The following PDE10A variants were observed in gnomAD, a reference collection of about 807,000 sequenced individuals.
PDE10A encodes cAMP and cAMP-inhibited cGMP 3',5'-cyclic phosphodiesterase 10A.
In PDE10A, 39 loss-of-function variants were observed where a neutral mutation model predicts 97.7. That is an observed-to-expected ratio of 0.40 (90% CI 0.31 to 0.52). The LOEUF is 0.52. Among genes scored for constraint, PDE10A ranks in the 20% least tolerant of loss-of-function variants. The probability of loss-of-function intolerance (pLI) is 0.56; values close to 1 mark genes in which losing one functional copy is unlikely to be tolerated. For synonymous variants in PDE10A, 371 were observed against 376.8 expected (o/e 0.98, Z 0.18); for missense variants, 731 against 1,047.8 (o/e 0.70, Z 4.17).
intron 1 of PDE10A, among the ~76,000 whole-genome samples, chr6:165,813,055 G>A (rs1267351564): frequency 2.0e-5 from 3 of 152,202 alleles, no homozygotes; most frequent in Admixed American, 6.5e-5. Context: ...TTAGTGCAAA[G>A]TAGCGGTAGG....
At chr6:165,749,677 C>A (rs990936555) in intron 1 of PDE10A, among the ~76,000 whole-genome samples, 1 of 152,246 alleles carries the variant, frequency 6.6e-6, no homozygotes, top group Non-Finnish European at 1.5e-5. Context: ...CAGATTAATT[C>A]TGGCTACCCC....
intron 13 of PDE10A, among the ~76,000 whole-genome samples, chr6:165,399,804 T>A (rs1164704946): frequency 6.6e-6 from 1 of 152,256 alleles, no homozygotes. Flanking sequence ...ATGTGCCACA[T>A]TTTCTTAATC....
intron 5 of PDE10A, among the ~76,000 whole-genome samples, chr6:165,440,802 C>A (rs1216098549): frequency 6.7e-6 from 1 of 150,258 alleles, no homozygotes; most frequent in Admixed American, 6.6e-5. Flanking sequence ...TTTAAAATAA[C>A]CTATATATAT....
At chr6:165,397,716 A>G (rs889782369) in intron 13 of PDE10A, among the ~76,000 whole-genome samples, 1 of 151,798 alleles carries the variant, frequency 6.6e-6, no homozygotes, top group East Asian at 1.9e-4. Flanking sequence ...AAAAAAAAAA[A>G]AAAAAAAGAA....
At chr6:165,953,487 A>C (rs1784034303) in intron 1 of PDE10A, among the ~76,000 whole-genome samples, 1 of 152,124 alleles carries the variant, frequency 6.6e-6, no homozygotes, top group Non-Finnish European at 1.5e-5. Context: ...GCTACTCGGG[A>C]AGCTGAGGCA....
intron 15 of PDE10A, among the ~76,000 whole-genome samples, chr6:165,394,923 T>C (rs1786030045): frequency 6.6e-6 from 1 of 152,184 alleles, no homozygotes. Context: ...CTAGCCTCTG[T>C]TTTTATGAAA....
intron 1 of PDE10A, among the ~76,000 whole-genome samples, chr6:165,729,405 G>C (rs529909013): frequency 6.6e-6 from 1 of 152,046 alleles, no homozygotes; most frequent in Non-Finnish European, 1.5e-5. Flanking sequence ...AATCTTCTTA[G>C]ACATGGAGAG....
intron 5 of PDE10A, among the ~76,000 whole-genome samples, chr6:165,443,263 G>T (rs188803): frequency 6.6e-6 from 1 of 152,070 alleles, no homozygotes; most frequent in African/African-American, 2.4e-5. Flanking sequence ...CCAAAAGGAA[G>T]AAACTGGCCC....
intron 1 of PDE10A, among the ~76,000 whole-genome samples, chr6:165,937,481 A>T (rs1050230531): frequency 7.2e-5 from 11 of 152,312 alleles, no homozygotes; most frequent in East Asian, 1.9e-4. Flanking sequence ...TTACATATTT[A>T]AAAAAAGCAA....
At chr6:165,911,774 G>T (rs897653513) in intron 1 of PDE10A, among the ~76,000 whole-genome samples, 1 of 152,196 alleles carries the variant, frequency 6.6e-6, no homozygotes, top group South Asian at 2.1e-4. Flanking sequence ...CCCCAAGAGG[G>T]ACTGAAGCAC....
At chr6:165,596,079 C>T (rs828561) in intron 1 of PDE10A, among the ~76,000 whole-genome samples, 1,944 of 152,178 alleles carry the variant, frequency 0.013, 44 homozygotes, top group African/African-American at 0.045. Flanking sequence ...GAAACGATAC[C>T]TTTATGGTGG....
intron 1 of PDE10A, among the ~76,000 whole-genome samples, chr6:165,721,819 T>C (rs1371346699): frequency 6.6e-6 from 1 of 152,202 alleles, no homozygotes; most frequent in African/African-American, 2.4e-5. Context: ...CATAAAAATA[T>C]ATAGTCTAAT....
intron 1 of PDE10A, among the ~76,000 whole-genome samples, chr6:165,764,964 A>C (rs562508513): frequency 8.1e-4 from 123 of 152,242 alleles, no homozygotes; most frequent in Non-Finnish European, 1.4e-3. Context: ...TGAGCTAGAC[A>C]CAAAGGTTCT....
intron 1 of PDE10A, among the ~76,000 whole-genome samples, chr6:165,573,865 C>T (rs1052731238): frequency 1.3e-5 from 2 of 152,190 alleles, no homozygotes; most frequent in African/African-American, 4.8e-5. Flanking sequence ...TACTTCTCGG[C>T]CCTCTGACAT....
chr6:165,931,555 AC>A (rs1212641439), intron 1 of PDE10A, among the ~76,000 whole-genome samples: 1 of 152,214 alleles, frequency 6.6e-6, no homozygotes, highest in Non-Finnish European at 1.5e-5. Flanking sequence ...GCAGATGTGA[AC>A]ATGAAAGAAG....
intron 1 of PDE10A, among the ~76,000 whole-genome samples, chr6:165,641,207 G>A (rs777763608): frequency 1.1e-4 from 17 of 152,142 alleles, no homozygotes; most frequent in Non-Finnish European, 2.2e-4. Context: ...AAAAAAAAAT[G>A]TTAAAAGTCA....
intron 1 of PDE10A, among the ~76,000 whole-genome samples, chr6:165,729,536 G>T (rs1005475831): frequency 6.6e-6 from 1 of 152,074 alleles, no homozygotes; most frequent in African/African-American, 2.4e-5. Context: ...CCCAATTTGG[G>T]CACTTGGATG....
At chr6:165,541,115 C>T (rs1322282984) in intron 2 of PDE10A, among the ~76,000 whole-genome samples, 2 of 152,130 alleles carry the variant, frequency 1.3e-5, no homozygotes, top group Admixed American at 6.5e-5. Flanking sequence ...GGGGGTCTTA[C>T]TAGGCTGCAC....
Position 165,384,671 on chromosome 6 carries a change from T to TG in PDE10A, c.2610+3626dup, listed in dbSNP as rs112501379. 2.7e-3 allele frequency among the ~76,000 whole-genome samples: 125 copies of TG among 47,076 alleles called. 1 individual carries two copies. The South Asian group carries it at 0.033, about 12-fold the overall frequency. The allele number at this position is 47,076 out of a possible 152,430, so 30.9% of individuals were successfully genotyped here. A position where few individuals can be genotyped will look rare whatever the true frequency, so the allele number is the denominator to read the frequency against. On this transcript the variant is annotated intron_variant, in intron 17 of 21. Coordinates refer to ENST00000539869, the MANE Select transcript of PDE10A (RefSeq NM_001385079.1). ...GTGTGTGTGTGTGTGTGTGTGTGTA[T>TG]GGGGGGGGGCGACTAAAGGTTAGCT...
Sources: gnomAD v4.1 joint callset for allele counts (sites outside exome capture counted in the v4.1 genomes callset) on GRCh38, gnomAD v4.1.1 for gene constraint, MANE v1.5 for transcripts, NCBI Gene and HGNC (gene_info 2026-07-23, HGNC 2026-07-21) for gene names.